SLC2A13: variants seen among roughly 807,000 people sequenced by gnomAD.
SLC2A13 encodes proton myo-inositol cotransporter.
Under a neutral mutation model 64.4 loss-of-function variants are expected in SLC2A13, and 32 were observed. That is an observed-to-expected ratio of 0.50 (90% CI 0.37 to 0.67). SLC2A13 has a LOEUF of 0.67. Ranked by LOEUF, SLC2A13 falls within the 30% of genes least tolerant of loss-of-function variation. The pLI is 0.00. For synonymous variants in SLC2A13, 338 were observed against 327.1 expected (o/e 1.03, Z -0.36); for missense variants, 743 against 829.2 (o/e 0.90, Z 1.28).
At chr12:39,903,872 TG>T (rs1187603835) in intron 4 of SLC2A13, among the ~76,000 whole-genome samples, 2 of 152,238 alleles carry the variant, frequency 1.3e-5, no homozygotes, top group Admixed American at 6.6e-5. Context: ...TTATATTTAC[TG>T]GGGACGTGAT....
At chr12:39,965,991 A>G (rs1000156088) in intron 3 of SLC2A13, among the ~76,000 whole-genome samples, 1 of 152,104 alleles carries the variant, frequency 6.6e-6, no homozygotes, top group East Asian at 1.9e-4. Flanking sequence ...TACTACACCT[A>G]TGGGATGCGG....
intron 3 of SLC2A13, among the ~76,000 whole-genome samples, chr12:39,979,163 A>C (rs1400521554): frequency 6.8e-6 from 1 of 146,524 alleles, no homozygotes; most frequent in African/African-American, 2.5e-5. Flanking sequence ...CACACCAAAA[A>C]CCCATCTGTA....
chr12:39,822,559 T>C (rs1348009850), intron 7 of SLC2A13, among the ~76,000 whole-genome samples: 1 of 152,222 alleles, frequency 6.6e-6, no homozygotes, highest in Non-Finnish European at 1.5e-5. Flanking sequence ...ATCTCTGCTG[T>C]ACACCTTCTG....
chr12:39,943,503 C>T (rs1946077877), intron 4 of SLC2A13, among the ~76,000 whole-genome samples: 1 of 152,186 alleles, frequency 6.6e-6, no homozygotes. Context: ...CTTTGCTGAG[C>T]TGTGGTGGGA....
At chr12:39,817,701 A>G (rs1942378215) in intron 7 of SLC2A13, among the ~76,000 whole-genome samples, 1 of 152,236 alleles carries the variant, frequency 6.6e-6, no homozygotes, top group African/African-American at 2.4e-5. Context: ...CATACTTTAT[A>G]TATATTTTAA....
At chr12:39,812,213 G>A (rs1290232051) in intron 7 of SLC2A13, among the ~76,000 whole-genome samples, 1 of 152,100 alleles carries the variant, frequency 6.6e-6, no homozygotes, top group African/African-American at 2.4e-5. Flanking sequence ...TAGAATGGAA[G>A]AGGGAATCTA....
intron 7 of SLC2A13, among the ~76,000 whole-genome samples, chr12:39,793,143 A>C (rs1941461847): frequency 6.6e-6 from 1 of 152,200 alleles, no homozygotes; most frequent in Non-Finnish European, 1.5e-5. Flanking sequence ...GAATTTAGCA[A>C]GGTTGCATTT....
rs765465094 is a variant in SLC2A13 at position 40,032,042 on chromosome 12, T to G, written c.717-3533A>C. Among the ~76,000 whole-genome samples, 13 of 152,234 alleles carry G rather than the reference T, an allele frequency of 8.5e-5. No homozygotes were observed. In the South Asian group the frequency reaches 1.0e-3, roughly 12 times the overall value. Reference sequence around the variant, plus strand: ...CAGGGTTTCTAAACCTGGCTTCACATTAGAATCACCTAGGAGGCTGGTAAA... The same window carrying G: ...CAGGGTTTCTAAACCTGGCTTCACAGTAGAATCACCTAGGAGGCTGGTAAA... On this transcript the variant is annotated intron_variant, in intron 2 of 9. Coordinates refer to ENST00000280871, the MANE Select transcript of SLC2A13 (RefSeq NM_052885.4).
intron 4 of SLC2A13, among the ~76,000 whole-genome samples, chr12:39,932,868 G>A (rs1436428198): frequency 1.3e-5 from 2 of 151,774 alleles, no homozygotes; most frequent in African/African-American, 2.4e-5. Context: ...ATGAACCAGG[G>A]GATAAAGGTG....
chr12:39,951,099 T>TA (rs1053727707), intron 4 of SLC2A13, 158 bp downstream of exon 4: 19 of 535,292 alleles, frequency 3.5e-5, no homozygotes, highest in African/African-American at 9.9e-5. Context: ...TTACTGGAAT[T>TA]AAAAAATTGT....
At chr12:39,833,866 A>T (rs1592184239) in intron 6 of SLC2A13, among the ~76,000 whole-genome samples, 1 of 143,514 alleles carries the variant, frequency 7.0e-6, no homozygotes, top group African/African-American at 2.6e-5. Flanking sequence ...AATCTTTTCC[A>T]CACTTTTGCC....
chr12:39,989,781 G>A (rs1190616970), intron 3 of SLC2A13, among the ~76,000 whole-genome samples: 2 of 152,104 alleles, frequency 1.3e-5, no homozygotes, highest in Non-Finnish European at 2.9e-5. Context: ...AGAATCCCCA[G>A]TAAAGAAATT....
chr12:39,781,043 A>G (rs533313846), intron 7 of SLC2A13, among the ~76,000 whole-genome samples: 2 of 152,368 alleles, frequency 1.3e-5, no homozygotes, highest in African/African-American at 4.8e-5. Flanking sequence ...AGTTACTGCT[A>G]AAGTGAAAAC....
intron 6 of SLC2A13, chr12:39,830,512 G>T: frequency 9.1e-7 from 1 of 1,094,110 alleles, no homozygotes. Context: ...TCAATCTGGA[G>T]CAAATAAACT....
At chr12:39,972,275 G>T (rs1946677594) in intron 3 of SLC2A13, among the ~76,000 whole-genome samples, 1 of 151,722 alleles carries the variant, frequency 6.6e-6, no homozygotes, top group African/African-American at 2.4e-5. Flanking sequence ...GTAGGGCAGG[G>T]AACATAGCCC....
intron 4 of SLC2A13, among the ~76,000 whole-genome samples, chr12:39,876,526 GAATA>G (rs1398406564): frequency 2.6e-5 from 4 of 151,810 alleles, no homozygotes; most frequent in Admixed American, 2.6e-4. Context: ...AAGAAATTAA[GAATA>G]ATTATATTAA....
At chr12:40,101,025 T>G (rs1030149996) in intron 1 of SLC2A13, among the ~76,000 whole-genome samples, 4 of 145,036 alleles carry the variant, frequency 2.8e-5, no homozygotes, top group Middle Eastern at 3.5e-3. Context: ...ATTTCTGGGA[T>G]GGAAAACGTA....
At chr12:39,947,817 T>C (rs1323410432) in intron 4 of SLC2A13, among the ~76,000 whole-genome samples, 3 of 151,902 alleles carry the variant, frequency 2.0e-5, no homozygotes, top group Non-Finnish European at 2.9e-5. Flanking sequence ...CCCGCCACTA[T>C]GCCCAGCTAA....
intron 3 of SLC2A13, among the ~76,000 whole-genome samples, chr12:39,957,503 C>T (rs1946336952): frequency 1.3e-5 from 2 of 152,154 alleles, no homozygotes; most frequent in Non-Finnish European, 2.9e-5. Context: ...ATGGTCCCAC[C>T]TGCCACTCTA....
Sources: allele counts gnomAD v4.1 joint callset (sites outside exome capture counted in the v4.1 genomes callset), GRCh38; gene constraint gnomAD v4.1.1; transcripts MANE v1.5; gene names NCBI Gene and HGNC (gene_info 2026-07-23, HGNC 2026-07-21).